The following FUT8 variants were observed in gnomAD, a reference collection of about 807,000 sequenced individuals.
The protein encoded by FUT8 is fucosyltransferase 8, also known as alpha-(1,6)-fucosyltransferase.
Under a neutral mutation model 71.3 loss-of-function variants are expected in FUT8, and 29 were observed. The observed-to-expected ratio is 0.41, with a 90% CI of 0.30 to 0.55. The LOEUF is 0.55. Ranked by LOEUF, FUT8 falls within the 20% of genes least tolerant of loss-of-function variation. The pLI is 0.34. For synonymous variants in FUT8, 254 were observed against 239.3 expected, an observed-to-expected ratio of 1.06 and a Z score of -0.57; for missense variants, 544 against 702.1, an observed-to-expected ratio of 0.77 and a Z score of 2.55.
intron 9 of FUT8, among the ~76,000 whole-genome samples, chr14:65,728,850 G>T (rs939008293): frequency 6.6e-6 from 1 of 151,994 alleles, no homozygotes; most frequent in African/African-American, 2.4e-5. Flanking sequence ...CTAGGTTTTT[G>T]TAAATACACC....
chr14:65,450,495 A>G (rs2065805383), intron 1 of FUT8, among the ~76,000 whole-genome samples: 1 of 152,192 alleles, frequency 6.6e-6, no homozygotes, highest in Non-Finnish European at 1.5e-5. Context: ...ACTGAATTCT[A>G]GTTCCACTAA....
At chr14:65,562,537 C>T (rs771311538) in intron 3 of FUT8, among the ~76,000 whole-genome samples, 2 of 151,984 alleles carry the variant, frequency 1.3e-5, no homozygotes, top group African/African-American at 2.4e-5. Context: ...ATTACATAGG[C>T]GATCTCTGTA....
intron 3 of FUT8, among the ~76,000 whole-genome samples, chr14:65,588,544 A>G (rs1325990735): frequency 1.3e-5 from 2 of 152,048 alleles, no homozygotes; most frequent in Non-Finnish European, 2.9e-5. Context: ...TGTTTGTTTC[A>G]TGTTTGTGTG....
In FUT8 at chr14:65,483,437, T is replaced by C. The variant is rs141990044; in HGVS notation, c.-228+27719T>C. Among the ~76,000 whole-genome samples the C allele has an allele frequency of 2.0e-3, 304 of 152,352 alleles. 1 individual carries two copies. Among genetic ancestry groups the C allele is most frequent in the Middle Eastern group, 0.014 (4 of 294 alleles). ...TTTTCAAATTACTGTGTGGCTTTTC[T>C]CTCCGGAATGGCTTTACATTTCCAT... On this transcript the variant is annotated intron_variant, in intron 2 of 10. Transcript: ENST00000673929. The surrounding 1 kb of genome is among the most constrained non-coding windows in gnomAD (Gnocchi z 4.4).
the FUT8 span, among the ~76,000 whole-genome samples, chr14:65,383,481 G>T: frequency 2.0e-5 from 3 of 151,954 alleles, no homozygotes; most frequent in African/African-American, 4.8e-5. Flanking sequence ...CACCATGTTG[G>T]CCAGGCTGGT....
At chr14:65,698,639 G>C (rs1894120613) in intron 7 of FUT8, among the ~76,000 whole-genome samples, 1 of 152,142 alleles carries the variant, frequency 6.6e-6, no homozygotes, top group South Asian at 2.1e-4. Flanking sequence ...TAAAACTGTG[G>C]CATTTGCAAA....
intron 2 of FUT8, among the ~76,000 whole-genome samples, chr14:65,463,112 A>C (rs1302589568): frequency 6.6e-6 from 1 of 152,240 alleles, no homozygotes; most frequent in Non-Finnish European, 1.5e-5. Flanking sequence ...AATTAGCAGT[A>C]ACACTCCAGC....
In FUT8 at chr14:65,504,121, T is replaced by G. The variant is rs546308164; in HGVS notation, c.-228+48403T>G. Among the ~76,000 whole-genome samples, 181 of 152,312 alleles carry G rather than the reference T, an allele frequency of 1.2e-3. 1 individual carries two copies. The highest frequency in any genetic ancestry group is 4.1e-3 in the African/African-American group (171 of 41,564). On this transcript the variant is annotated intron_variant, in intron 2 of 10. Coordinates refer to ENST00000673929, the MANE Select transcript of FUT8 (RefSeq NM_001371533.1). ...TCTTACTTCTCCCACCTACACCCCC[T>G]TCTTTAAAACTGCGAGGCTTTTTTG...
At chr14:65,508,942 T>C (rs1409897673) in intron 2 of FUT8, among the ~76,000 whole-genome samples, 6 of 152,314 alleles carry the variant, frequency 3.9e-5, no homozygotes, top group Admixed American at 3.9e-4. Context: ...ATCCCGTTTG[T>C]CCAGTTTTGC....
chr14:65,406,767 T>G (rs140467883), upstream of FUT8, among the ~76,000 whole-genome samples: 877 of 152,238 alleles, frequency 5.8e-3, 33 homozygotes, highest in East Asian at 0.092. Flanking sequence ...TGAACTCCTG[T>G]CCTCAAGTAA....
chr14:65,572,005 C>A (rs775929569), intron 3 of FUT8, among the ~76,000 whole-genome samples: 15 of 152,226 alleles, frequency 9.9e-5, no homozygotes, highest in Non-Finnish European at 1.9e-4. Flanking sequence ...ATTTAACAAT[C>A]CACTTTGCCC....
At chr14:65,442,244 C>T (rs571657956) in intron 1 of FUT8, among the ~76,000 whole-genome samples, 251 of 150,924 alleles carry the variant, frequency 1.7e-3, no homozygotes, top group Admixed American at 3.8e-3. Context: ...GGCGCGATCT[C>T]GGCTCACTGC....
the FUT8 span, among the ~76,000 whole-genome samples, chr14:65,359,534 T>G: frequency 6.6e-6 from 1 of 152,114 alleles, no homozygotes; most frequent in Non-Finnish European, 1.5e-5. Flanking sequence ...CAACCGCTAT[T>G]CTACTTTTTA....
At chr14:65,581,466 G>C (rs1488344495) in intron 3 of FUT8, among the ~76,000 whole-genome samples, 6 of 151,986 alleles carry the variant, frequency 3.9e-5, no homozygotes, top group Non-Finnish European at 8.8e-5. Context: ...ATGGGACTGA[G>C]GTTCAGTTCA....
the FUT8 span, among the ~76,000 whole-genome samples, chr14:65,393,278 A>G: frequency 3.3e-5 from 5 of 152,340 alleles, no homozygotes; most frequent in Non-Finnish European, 7.3e-5. Flanking sequence ...ATGGAAATTT[A>G]GCCCTTTAAT....
In FUT8 at chr14:65,616,105, T is replaced by A. The variant is rs757205043; in HGVS notation, c.319+12T>A. On this transcript the variant is annotated intron_variant, in intron 4 of 10. Transcript: ENST00000673929. ...ACAGACCAGAAATGGTAGGTGATTA[T>A]ACAGTGTTTTCCCCTCCTCAGTATA... 3.6e-5 allele frequency: 58 copies of A among 1,609,916 alleles called. No individual in the cohort carries two copies. The highest frequency in any genetic ancestry group is 4.5e-5 in the Non-Finnish European group (53 of 1,176,766).
At chr14:65,606,073 G>GTTTTTTT (rs34986420) in intron 3 of FUT8, among the ~76,000 whole-genome samples, 1 of 118,174 alleles carries the variant, frequency 8.5e-6, no homozygotes. Flanking sequence ...AAAATTGTTA[G>GTTTTTTT]TTTTTTTTTT....
At chr14:65,474,818 A>G (rs186417684) in intron 2 of FUT8, among the ~76,000 whole-genome samples, 4 of 152,290 alleles carry the variant, frequency 2.6e-5, no homozygotes, top group Non-Finnish European at 5.9e-5. Context: ...AAATTTCTCA[A>G]CTGATATTCA....
At chr14:65,551,262 A>G (rs1019797660) in intron 2 of FUT8, among the ~76,000 whole-genome samples, 1 of 152,162 alleles carries the variant, frequency 6.6e-6, no homozygotes, top group African/African-American at 2.4e-5. Flanking sequence ...TCATATGCCA[A>G]ATGTGGCCAT....
Sources: gnomAD v4.1 joint callset for allele counts (sites outside exome capture counted in the v4.1 genomes callset) on GRCh38, gnomAD v4.1.1 for gene constraint, Gnocchi (gnomAD v3.1) non-coding constraint, MANE v1.5 for transcripts, NCBI Gene and HGNC (gene_info 2026-07-23, HGNC 2026-07-21) for gene names.